Variants in CDKL1 observed in about 807,000 individuals in gnomAD.
CDKL1 encodes the protein cyclin dependent kinase like 1.
Under a neutral mutation model 42.0 loss-of-function variants are expected in CDKL1, and 41 were observed. The observed-to-expected ratio is 0.98, with a 90% CI of 0.76 to 1.27. The LOEUF (loss-of-function observed/expected upper bound fraction) is 1.27. Ranked by LOEUF, CDKL1 falls within the 50% of genes most tolerant of loss-of-function variation. The pLI is 0.00. For synonymous variants in CDKL1, 153 were observed against 158.6 expected, an observed-to-expected ratio of 0.96 and a Z score of 0.26; for missense variants, 394 against 428.4, an observed-to-expected ratio of 0.92 and a Z score of 0.71.
chr14:50,360,170 A>C (rs1311243055), intron 2 of CDKL1, among the ~76,000 whole-genome samples: 4 of 152,162 alleles, frequency 2.6e-5, no homozygotes, highest in Admixed American at 1.3e-4. Context: ...GTTTTATCGC[A>C]TTAACTTTCC....
At chr14:50,391,073 G>A (rs1192034311) in intron 2 of CDKL1, among the ~76,000 whole-genome samples, 3 of 152,164 alleles carry the variant, frequency 2.0e-5, no homozygotes, top group Non-Finnish European at 4.4e-5. Context: ...GGGCTCGAGA[G>A]ATCAGCACGT....
At chr14:50,354,495 A>G (rs1310586934) in intron 3 of CDKL1, among the ~76,000 whole-genome samples, 1 of 152,226 alleles carries the variant, frequency 6.6e-6, no homozygotes, top group African/African-American at 2.4e-5. Context: ...ACATATAGGT[A>G]GGCAGAAAAA....
chr14:50,386,477 C>G (rs2035085184), intron 2 of CDKL1, among the ~76,000 whole-genome samples: 1 of 152,038 alleles, frequency 6.6e-6, no homozygotes, highest in Admixed American at 6.6e-5. Context: ...CAGCAAAATT[C>G]TAACAGTTGA....
intron 2 of CDKL1, chr14:50,362,060 AG>A (rs2034268466): frequency 9.0e-6 from 2 of 223,006 alleles, no homozygotes; most frequent in Non-Finnish European, 1.8e-5. Context: ...TGAGGGGCTT[AG>A]CACCTGGGCC....
chr14:50,375,739 G>A (rs1173206006), intron 2 of CDKL1, among the ~76,000 whole-genome samples: 1 of 152,102 alleles, frequency 6.6e-6, no homozygotes, highest in African/African-American at 2.4e-5. Context: ...GGAGGTTGTA[G>A]TGAGTCGAGA....
At chr14:50,354,178 C>T (rs930104570) in intron 3 of CDKL1, among the ~76,000 whole-genome samples, 2 of 152,166 alleles carry the variant, frequency 1.3e-5, no homozygotes, top group African/African-American at 4.8e-5. Context: ...TGGTCTTGAA[C>T]TCCTGACCTT....
At chr14:50,366,251 T>C (rs966185541) in intron 2 of CDKL1, among the ~76,000 whole-genome samples, 1 of 152,210 alleles carries the variant, frequency 6.6e-6, no homozygotes, top group Non-Finnish European at 1.5e-5. Context: ...TCAGAGAAAC[T>C]GGCCCTGAGG....
intron 8 of CDKL1, chr14:50,333,741 G>C (rs1177933174): frequency 6.6e-6 from 1 of 152,006 alleles, no homozygotes; most frequent in South Asian, 2.1e-4. Context: ...CCCCTTTCAG[G>C]TAACAGTTAC....
chr14:50,332,088 G>A, intron 9 of CDKL1, 174 bp downstream of exon 9: 1 of 1,572,460 alleles, frequency 6.4e-7, no homozygotes, highest in Non-Finnish European at 8.6e-7. Context: ...AGGATTCAGG[G>A]AGAGGGGGCT....
chr14:50,336,248 G>GC (rs1327769333), intron 7 of CDKL1: 5 of 1,284,092 alleles, frequency 3.9e-6, no homozygotes, highest in East Asian at 5.4e-5. Context: ...AACCAGTGCA[G>GC]CCCCCGCACT....
chr14:50,358,897 C>G (rs571704731), intron 3 of CDKL1, 131 bp downstream of exon 3: 20 of 840,304 alleles, frequency 2.4e-5, no homozygotes, highest in Admixed American at 1.6e-4. Flanking sequence ...GTCTAGGCCT[C>G]CCAAAGTGCT....
At position 50,337,328 on chromosome 14, in the gene CDKL1, C is replaced by CTT. The variant is rs545014608; in HGVS notation, c.738+1617_738+1618dup. Among the ~76,000 whole-genome samples, 411 of 138,982 alleles carry CTT rather than the reference C, an allele frequency of 3.0e-3. 2 individuals are homozygous for CTT. In the Middle Eastern group the frequency reaches 0.068, roughly 23 times the overall value. 91.2% of individuals were successfully genotyped at this position (138,982 alleles called of 152,430 possible). A position where few individuals can be genotyped will look rare whatever the true frequency, so the allele number is the denominator to read the frequency against. On this transcript the variant is annotated intron_variant, in intron 7 of 9. Coordinates refer to ENST00000395834, the MANE Select transcript of CDKL1 (RefSeq NM_004196.7). ...CCAGCCTACACTGTTTTATAACCGTCTTTTTTTTTTTTTTTTAACTACATG... is the reference window on the plus strand; with the variant it reads ...CCAGCCTACACTGTTTTATAACCGTCTTTTTTTTTTTTTTTTTTAACTACATG...
At chr14:50,345,589 A>T (rs529882308) in intron 3 of CDKL1, among the ~76,000 whole-genome samples, 15 of 152,212 alleles carry the variant, frequency 9.9e-5, no homozygotes, top group Non-Finnish European at 1.9e-4. Context: ...TGATTATAGC[A>T]AAGAGCTTTA....
chr14:50,387,975 C>T (rs1465095654), intron 2 of CDKL1, among the ~76,000 whole-genome samples: 28 of 152,098 alleles, frequency 1.8e-4, no homozygotes, highest in Admixed American at 1.8e-3. Context: ...CGACTCACCG[C>T]CACCTCCACC....
Position 50,332,514 on chromosome 14 carries a change from A to G in CDKL1, c.796-82T>C. The G allele has an allele frequency of 3.9e-6, 6 of 1,523,684 alleles. No individual in the cohort carries two copies. The South Asian group carries it at 7.9e-5, about 20-fold the overall frequency. 94.4% of individuals were successfully genotyped at this position (1,523,684 alleles called of 1,614,324 possible). ...ATGTCATTTTTTTCTTCTTTGAAAG[A>G]TGAAACTTCAGTTGCAATAAGAAGG... On this transcript the variant is annotated intron_variant, in intron 8 of 9. Coordinates refer to ENST00000395834, the MANE Select transcript of CDKL1 (RefSeq NM_004196.7).
At chr14:50,335,857 T>C in intron 7 of CDKL1, 2 of 1,280,202 alleles carry the variant, frequency 1.6e-6, no homozygotes, top group Non-Finnish European at 2.0e-6. Flanking sequence ...ATTGTACACA[T>C]ACTAATCATT....
At chr14:50,360,824 G>A (rs1156276099) in intron 2 of CDKL1, among the ~76,000 whole-genome samples, 1 of 150,788 alleles carries the variant, frequency 6.6e-6, no homozygotes, top group Non-Finnish European at 1.5e-5. Flanking sequence ...GTGTGTGTGT[G>A]TGATTGGCTT....
At chr14:50,375,671 C>T (rs1053718865) in intron 2 of CDKL1, among the ~76,000 whole-genome samples, 9 of 152,162 alleles carry the variant, frequency 5.9e-5, no homozygotes, top group East Asian at 3.8e-4. Context: ...GTGGCAGGCA[C>T]CTGTAATCCC....
intron 2 of CDKL1, among the ~76,000 whole-genome samples, chr14:50,389,076 G>A (rs2035171940): frequency 7.1e-6 from 1 of 139,990 alleles, no homozygotes; most frequent in African/African-American, 2.7e-5. Context: ...TCCAGCCTGG[G>A]CAGCAGAGTG....
Sources: allele counts gnomAD v4.1 joint callset (sites outside exome capture counted in the v4.1 genomes callset), GRCh38; gene constraint gnomAD v4.1.1; transcripts MANE v1.5; gene names NCBI Gene and HGNC (gene_info 2026-07-23, HGNC 2026-07-21).